The following DISC1 variants were observed in gnomAD, a reference collection of about 807,000 sequenced individuals.
The protein encoded by DISC1 is disrupted in schizophrenia 1 protein.
Under a neutral mutation model 84.5 loss-of-function variants are expected in DISC1, and 57 were observed. The observed-to-expected ratio is 0.67, with a 90% CI of 0.55 to 0.84. DISC1 has a LOEUF of 0.84. Ranked by LOEUF, DISC1 falls within the 40% of genes least tolerant of loss-of-function variation. DISC1 has a pLI of 0.00. For missense variants in DISC1, 1,000 were observed against 1,057.8 expected (o/e 0.95, Z 0.76); for synonymous variants, 411 against 415.2 (o/e 0.99, Z 0.12).
In DISC1 at chr1:231,655,292, T is replaced by C. The variant is rs184889902; in HGVS notation, c.67+28358T>C. Among the ~76,000 whole-genome samples, 193 of 152,244 alleles carry C rather than the reference T, an allele frequency of 1.3e-3. 2 individuals are homozygous for C. The South Asian group carries it at 0.014, about 11-fold the overall frequency. On this transcript the variant is annotated intron_variant, in intron 1 of 12. Coordinates refer to ENST00000439617, the MANE Select transcript of DISC1 (RefSeq NM_018662.3). ...GTCTCTAAAGTCCATTATATCACTT[T>C]GTGTGCCTTTGTGTATCCATAGCTT... is the stretch of plus-strand genomic sequence containing the variant.
rs547651969 is a variant in DISC1, at chr1:232,040,019, C to T, written c.*3188C>T. The T allele has an allele frequency of 6.6e-6, 1 of 151,378 alleles. No homozygotes were observed. Among genetic ancestry groups the T allele is most frequent in the Non-Finnish European group, 1.5e-5 (1 of 67,990 alleles). 9.4% of individuals were successfully genotyped at this position (151,378 alleles called of 1,614,324 possible). ...CATTTTTTTTTTTGAGATGGAGTCT[C>T]TCTCTGTCACCCAAGTTGGAGTGCA... On this transcript the variant is annotated 3_prime_UTR_variant, in exon 13 of 13. Coordinates refer to ENST00000439617, the MANE Select transcript of DISC1 (RefSeq NM_018662.3).
intron 4 of DISC1, among the ~76,000 whole-genome samples, chr1:231,761,703 A>G (rs2075679915): frequency 6.6e-6 from 1 of 152,252 alleles, no homozygotes; most frequent in Admixed American, 6.5e-5. Context: ...GAAATTCAAG[A>G]AACTTGTACT....
At chr1:231,822,844 G>A (rs2081596388) in intron 9 of DISC1, among the ~76,000 whole-genome samples, 1 of 152,098 alleles carries the variant, frequency 6.6e-6, no homozygotes, top group Non-Finnish European at 1.5e-5. Flanking sequence ...ACTGGTGAGA[G>A]AGGAAGCAAA....
intron 9 of DISC1, among the ~76,000 whole-genome samples, chr1:231,946,413 C>G (rs1021879184): frequency 1.7e-4 from 26 of 152,244 alleles, no homozygotes; most frequent in African/African-American, 6.3e-4. Context: ...ATTCAACACC[C>G]CTTCATGCTA....
intron 3 of DISC1, among the ~76,000 whole-genome samples, chr1:231,711,210 C>T (rs1300834563): frequency 6.6e-6 from 1 of 151,764 alleles, no homozygotes; most frequent in African/African-American, 2.4e-5. Flanking sequence ...GGTGGACAAA[C>T]TATGCATAAA....
At chr1:231,932,545 G>A (rs1460175584) in intron 9 of DISC1, among the ~76,000 whole-genome samples, 1 of 152,128 alleles carries the variant, frequency 6.6e-6, no homozygotes, top group African/African-American at 2.4e-5. Context: ...CATGGTAGGG[G>A]CTGGATTTGA....
intron 10 of DISC1, among the ~76,000 whole-genome samples, chr1:231,982,823 C>A (rs1329886482): frequency 1.3e-5 from 2 of 152,050 alleles, no homozygotes; most frequent in South Asian, 4.2e-4. Context: ...GAGGGTACAT[C>A]GTAAGAGCAA....
intron 8 of DISC1, chr1:231,814,949 TAATAATA>T (rs903152943): frequency 1.4e-5 from 2 of 144,464 alleles, no homozygotes; most frequent in Non-Finnish European, 3.0e-5. Context: ...ATAATAATAA[TAATAATA>T]ATAATAATAA....
intron 9 of DISC1, among the ~76,000 whole-genome samples, chr1:231,849,376 T>G (rs113887497): frequency 6.6e-6 from 1 of 152,136 alleles, no homozygotes; most frequent in Non-Finnish European, 1.5e-5. Flanking sequence ...CACCTCGGCC[T>G]CCCAAAGTGC....
chr1:231,712,935 C>T (rs1049772858), intron 3 of DISC1, among the ~76,000 whole-genome samples: 2 of 152,154 alleles, frequency 1.3e-5, no homozygotes, highest in African/African-American at 4.8e-5. Context: ...ACCATGTATA[C>T]AGGAAAATGT....
At chr1:231,639,084 C>G (rs1209194272) in intron 1 of DISC1, among the ~76,000 whole-genome samples, 1 of 152,114 alleles carries the variant, frequency 6.6e-6, no homozygotes, top group Non-Finnish European at 1.5e-5. Context: ...TTGCCCCCAA[C>G]CAGGAGTGGC....
At chr1:231,860,058 G>A (rs1268454957) in intron 9 of DISC1, among the ~76,000 whole-genome samples, 1 of 152,194 alleles carries the variant, frequency 6.6e-6, no homozygotes, top group Non-Finnish European at 1.5e-5. Context: ...TAGAGATCTT[G>A]TACCACAGAA....
At position 231,853,198 on chromosome 1, in the gene DISC1, T is replaced by C. The variant is rs372957512; in HGVS notation, c.1981+34681T>C. Among the ~76,000 whole-genome samples the C allele has an allele frequency of 9.2e-5, 14 of 152,326 alleles. No individual in the cohort carries two copies. The South Asian group carries it at 2.9e-3, about 32-fold the overall frequency. ...ACCTTAATAAACTACCATTATCCTT[T>C]AAAAAAGGACTGAAGAGAATAATAT... is the stretch of plus-strand genomic sequence containing the variant. On this transcript the variant is annotated intron_variant, in intron 9 of 12. Transcript: ENST00000439617.
At chr1:231,942,424 G>T (rs1302038231) in intron 9 of DISC1, among the ~76,000 whole-genome samples, 1 of 152,194 alleles carries the variant, frequency 6.6e-6, no homozygotes, top group Non-Finnish European at 1.5e-5. Flanking sequence ...AGCACTTTGG[G>T]AGGCCAAGGC....
chr1:231,659,272 GT>G (rs1419806876), intron 1 of DISC1, among the ~76,000 whole-genome samples: 2 of 152,152 alleles, frequency 1.3e-5, no homozygotes, highest in Non-Finnish European at 2.9e-5. Context: ...GTGCATAGAG[GT>G]GTTTACAGTA....
chr1:231,918,309 G>A (rs1206782366), intron 9 of DISC1, among the ~76,000 whole-genome samples: 4 of 152,216 alleles, frequency 2.6e-5, no homozygotes, highest in African/African-American at 9.7e-5. Context: ...AGAGAACCAA[G>A]ATGATTTGGA....
chr1:231,933,198 G>A (rs1388557368), intron 9 of DISC1, among the ~76,000 whole-genome samples: 2 of 152,196 alleles, frequency 1.3e-5, no homozygotes, highest in African/African-American at 4.8e-5. Flanking sequence ...AGAGATGCTA[G>A]TTATCTTACC....
intron 3 of DISC1, among the ~76,000 whole-genome samples, chr1:231,739,833 CA>C: frequency 6.6e-6 from 1 of 152,224 alleles, no homozygotes; most frequent in Non-Finnish European, 1.5e-5. Context: ...ATCTGTATCA[CA>C]TGGACAAAGA....
chr1:231,958,002 A>C (rs1270948559), intron 9 of DISC1, among the ~76,000 whole-genome samples: 1 of 152,216 alleles, frequency 6.6e-6, no homozygotes, highest in Non-Finnish European at 1.5e-5. Flanking sequence ...GATAAAACCC[A>C]CAATAACAAT....
Sources: gnomAD v4.1 joint callset for allele counts (sites outside exome capture counted in the v4.1 genomes callset) on GRCh38, gnomAD v4.1.1 for gene constraint, MANE v1.5 for transcripts, NCBI Gene and HGNC (gene_info 2026-07-23, HGNC 2026-07-21) for gene names.